The following MSRB3 variants were observed in gnomAD, a reference collection of about 807,000 sequenced individuals.
MSRB3 encodes the protein methionine sulfoxide reductase B3.
In MSRB3, 13 loss-of-function variants were observed where a neutral mutation model predicts 21.0. That is an observed-to-expected ratio of 0.62 (90% confidence interval 0.40 to 0.98). MSRB3 has a LOEUF of 0.98. MSRB3 is among the 50% of genes least tolerant of loss of function. The pLI is 0.00. For missense variants in MSRB3, 199 were observed against 230.3 expected (o/e 0.86, Z 0.88); for synonymous variants, 87 against 88.6 (o/e 0.98, Z 0.10).
intron 1 of MSRB3, among the ~76,000 whole-genome samples, chr12:65,296,205 A>G (rs1439458724): frequency 1.3e-5 from 2 of 152,232 alleles, no homozygotes; most frequent in Non-Finnish European, 2.9e-5. Context: ...AATTGTTGAA[A>G]TGGAAAAAGT....
At position 65,278,809 on chromosome 12, in the gene MSRB3, G is replaced by GCCTCTC; in HGVS notation, c.-102_-97dup. 1.3e-6 allele frequency: 2 copies of GCCTCTC among 1,571,348 alleles called. No individual in the cohort carries two copies. The highest frequency in any genetic ancestry group is 1.7e-6 in the Non-Finnish European group (2 of 1,158,650). On this transcript the variant is annotated 5_prime_UTR_variant, in exon 1 of 7. Transcript: ENST00000308259. ...ACCCTCCCGCGCCCCCTCTCGCTCT[G>GCCTCTC]CCTCTCCCTCTGCCTCTGCCTCTGC...
chr12:65,290,280 CT>C (rs1872601081), intron 1 of MSRB3, among the ~76,000 whole-genome samples: 1 of 152,128 alleles, frequency 6.6e-6, no homozygotes, highest in African/African-American at 2.4e-5. Flanking sequence ...AGATTAAGGA[CT>C]GAGGCAAGAG....
At chr12:65,345,353 A>G (rs569880363) in intron 4 of MSRB3, among the ~76,000 whole-genome samples, 2 of 152,186 alleles carry the variant, frequency 1.3e-5, no homozygotes, top group African/African-American at 2.4e-5. Context: ...AAAATAAAAG[A>G]TGGCTCATTG....
At chr12:65,401,207 G>A (rs766681216) in intron 5 of MSRB3, among the ~76,000 whole-genome samples, 1 of 152,130 alleles carries the variant, frequency 6.6e-6, no homozygotes, top group Non-Finnish European at 1.5e-5. Flanking sequence ...ATTGGCAGTG[G>A]GGTGTTAATG....
chr12:65,419,834 G>C, intron 5 of MSRB3: 1 of 745,582 alleles, frequency 1.3e-6, no homozygotes, highest in East Asian at 2.7e-5. Context: ...CTCCGGCCAG[G>C]CCCCTGGACC....
intron 5 of MSRB3, among the ~76,000 whole-genome samples, chr12:65,442,494 A>G (rs1164866107): frequency 6.6e-6 from 1 of 151,936 alleles, no homozygotes; most frequent in African/African-American, 2.4e-5. Flanking sequence ...ATTTCTTTGA[A>G]TTTCCCCATC....
intron 5 of MSRB3, among the ~76,000 whole-genome samples, chr12:65,421,635 C>A (rs1029240812): frequency 1.3e-5 from 2 of 152,080 alleles, no homozygotes; most frequent in African/African-American, 4.8e-5. Flanking sequence ...AACTAAGCTT[C>A]TTCAGTGAAG....
chr12:65,365,769 A>G (rs1877975274), intron 4 of MSRB3, among the ~76,000 whole-genome samples: 1 of 152,190 alleles, frequency 6.6e-6, no homozygotes, highest in Non-Finnish European at 1.5e-5. Context: ...TTATAATGAA[A>G]AATGATACCA....
intron 5 of MSRB3, among the ~76,000 whole-genome samples, chr12:65,402,754 C>T (rs567577319): frequency 4.7e-4 from 71 of 152,268 alleles, no homozygotes; most frequent in African/African-American, 1.7e-3. Flanking sequence ...GTGGATTTAT[C>T]TACCTTTGAT....
chr12:65,322,089 A>C (rs1333881024), intron 2 of MSRB3, among the ~76,000 whole-genome samples: 1 of 152,192 alleles, frequency 6.6e-6, no homozygotes, highest in Non-Finnish European at 1.5e-5. Flanking sequence ...TTTAGGTAAC[A>C]GATCTAATTT....
intron 5 of MSRB3, among the ~76,000 whole-genome samples, chr12:65,370,976 A>G (rs982617335): frequency 3.9e-5 from 6 of 152,230 alleles, no homozygotes; most frequent in African/African-American, 1.4e-4. Flanking sequence ...AATCATGACA[A>G]AGGAAGCTAG....
chr12:65,416,526 A>G (rs778513946), intron 5 of MSRB3, among the ~76,000 whole-genome samples: 2 of 152,118 alleles, frequency 1.3e-5, no homozygotes, highest in Non-Finnish European at 2.9e-5. Context: ...CCTACTACAC[A>G]CCTGGGCTCT....
At chr12:65,348,386 G>A (rs1174387709) in intron 4 of MSRB3, among the ~76,000 whole-genome samples, 4 of 152,262 alleles carry the variant, frequency 2.6e-5, no homozygotes, top group Admixed American at 2.0e-4. Context: ...GGTGTTTATA[G>A]TATTCTCTGA....
At chr12:65,446,818 T>C (rs754477915) in intron 5 of MSRB3, among the ~76,000 whole-genome samples, 3 of 152,190 alleles carry the variant, frequency 2.0e-5, no homozygotes, top group Non-Finnish European at 2.9e-5. Flanking sequence ...TTGTTGCCGA[T>C]GCCCAGCAGA....
chr12:65,411,348 T>G (rs1351748604), intron 5 of MSRB3, among the ~76,000 whole-genome samples: 4 of 152,186 alleles, frequency 2.6e-5, no homozygotes, highest in Non-Finnish European at 5.9e-5. Flanking sequence ...TTGTTACTTT[T>G]TATATGTTTT....
intron 5 of MSRB3, among the ~76,000 whole-genome samples, chr12:65,391,773 C>A (rs1382930552): frequency 1.3e-5 from 2 of 151,988 alleles, no homozygotes; most frequent in East Asian, 3.9e-4. Flanking sequence ...AAAGAAGAAG[C>A]CAGAGTGCTG....
rs570441512 is a variant in MSRB3, at chr12:65,419,841, G to T, written c.293-33887G>T. The T allele has an allele frequency of 6.1e-4, 429 of 702,242 alleles. 2 individuals carry two copies. In the African/African-American group the frequency reaches 7.2e-3, roughly 12 times the overall value. The allele number at this position is 702,242 out of a possible 1,614,324, so 43.5% of individuals were successfully genotyped here. On this transcript the variant is annotated intron_variant, in intron 5 of 6. Transcript: ENST00000308259. The stretch of plus-strand genomic sequence containing the variant: ...AGCCATCCCTCCGGCCAGGCCCCTG[G>T]ACCCCAAGCAGCCCCGGAAGCTGGT...
At chr12:65,368,880 A>G (rs1029463533) in intron 4 of MSRB3, 118 bp from the exon 5 acceptor site, 1 of 682,864 alleles carries the variant, frequency 1.5e-6, no homozygotes, top group Non-Finnish European at 2.6e-6. Context: ...CATTTTAGAA[A>G]TATACACTGA....
At chr12:65,331,929 G>T (rs1487204901) in intron 4 of MSRB3, among the ~76,000 whole-genome samples, 2 of 152,342 alleles carry the variant, frequency 1.3e-5, no homozygotes, top group East Asian at 1.9e-4. Context: ...GAAATATGCT[G>T]CAAGCACTAG....
Sources: gnomAD v4.1 joint callset for allele counts (sites outside exome capture counted in the v4.1 genomes callset) on GRCh38, gnomAD v4.1.1 for gene constraint, MANE v1.5 for transcripts, NCBI Gene and HGNC (gene_info 2026-07-23, HGNC 2026-07-21) for gene names.